Variants in LMLN observed in about 807,000 individuals in gnomAD.
The protein encoded by LMLN is leishmanolysin-like peptidase.
Under a neutral mutation model 92.3 loss-of-function variants are expected in LMLN, and 70 were observed. The observed-to-expected ratio is 0.76, with a 90% confidence interval of 0.63 to 0.92. LMLN has a LOEUF of 0.92. LMLN is among the 40% of genes least tolerant of loss of function. The probability of loss-of-function intolerance (pLI) is 0.00; values close to 1 mark genes in which losing one functional copy is unlikely to be tolerated. For missense variants in LMLN, 691 were observed against 814.6 expected (o/e 0.85, Z 1.85); for synonymous variants, 308 against 296.2 (o/e 1.04, Z -0.41).
intron 11 of LMLN, among the ~76,000 whole-genome samples, chr3:198,005,331 A>G (rs191798947): frequency 1.9e-3 from 285 of 152,114 alleles, no homozygotes; most frequent in Non-Finnish European, 3.3e-3. Context: ...ATACATGTAT[A>G]TATACAGTTG....
At chr3:198,010,109 A>G (rs1459927081) in intron 11 of LMLN, among the ~76,000 whole-genome samples, 1 of 151,974 alleles carries the variant, frequency 6.6e-6, no homozygotes, top group African/African-American at 2.4e-5. Flanking sequence ...GCTCCCTGCT[A>G]TATCTTTCCC....
intron 9 of LMLN, among the ~76,000 whole-genome samples, chr3:197,995,445 A>G (rs1392550955): frequency 1.3e-5 from 2 of 152,212 alleles, no homozygotes; most frequent in Non-Finnish European, 2.9e-5. Context: ...ATTTGTAAGA[A>G]CATGGGTGAA....
chr3:198,038,647 C>G, exon 16 of LMLN: 2 of 1,613,162 alleles, frequency 1.2e-6, no homozygotes, highest in Non-Finnish European at 1.7e-6. Context: ...GGCTGGATTT[C>G]TTCTGTGTAT....
chr3:197,999,029 G>A (rs1020909410), intron 10 of LMLN, among the ~76,000 whole-genome samples: 1 of 152,180 alleles, frequency 6.6e-6, no homozygotes, highest in Non-Finnish European at 1.5e-5. Flanking sequence ...CTAAATGCCA[G>A]CTGCCTGCCA....
Position 197,991,297 on chromosome 3 carries a change from G to A in LMLN, c.1047+621G>A, listed in dbSNP as rs115814217. 4.4e-3 allele frequency among the ~76,000 whole-genome samples: 676 copies of A among 151,940 alleles called. 2 individuals carry two copies. The highest frequency in any genetic ancestry group is 0.016 in the African/African-American group (654 of 41,438). ...TTTGTTTATTTTTTTGTAGTGATGA[G>A]GTCTCGCTATGTTGCCCAGGCTGGT... is the stretch of plus-strand genomic sequence containing the variant. On this transcript the variant is annotated intron_variant, in intron 9 of 15. Transcript: ENST00000330198.
chr3:197,982,223 CTTTTTT>C (rs1241377836), intron 6 of LMLN, among the ~76,000 whole-genome samples: 1 of 116,540 alleles, frequency 8.6e-6, no homozygotes, highest in Non-Finnish European at 1.7e-5. Flanking sequence ...CAGTTACCTT[CTTTTTT>C]TTTTTTTTTT....
intron 5 of LMLN, among the ~76,000 whole-genome samples, chr3:197,977,388 A>G (rs1721414951): frequency 1.3e-5 from 2 of 152,250 alleles, no homozygotes; most frequent in African/African-American, 2.4e-5. Flanking sequence ...ATCTGGGTAC[A>G]TATAAAATCA....
intron 8 of LMLN, among the ~76,000 whole-genome samples, chr3:197,989,154 G>A (rs575644011): frequency 6.6e-6 from 1 of 152,274 alleles, no homozygotes; most frequent in South Asian, 2.1e-4. Flanking sequence ...CATGATTGTG[G>A]GCTGTCGGTT....
intron 5 of LMLN, among the ~76,000 whole-genome samples, chr3:197,977,508 A>C (rs1182259781): frequency 2.6e-5 from 4 of 152,088 alleles, no homozygotes; most frequent in Admixed American, 2.6e-4. Context: ...ATGATCAAAC[A>C]ATCTGGAAGT....
chr3:198,021,054 A>G (rs1435430249), intron 12 of LMLN, among the ~76,000 whole-genome samples: 2 of 152,150 alleles, frequency 1.3e-5, no homozygotes, highest in Non-Finnish European at 2.9e-5. Flanking sequence ...TGTCAAAACA[A>G]CGTATAAACT....
At chr3:198,007,105 G>A (rs1722316016) in intron 11 of LMLN, among the ~76,000 whole-genome samples, 1 of 152,090 alleles carries the variant, frequency 6.6e-6, no homozygotes, top group South Asian at 2.1e-4. Context: ...CAGATATGTG[G>A]TTTGCAAATA....
In LMLN at chr3:197,976,524, G is replaced by C; in HGVS notation, c.432-74G>C. 5.4e-6 allele frequency: 4 copies of C among 736,396 alleles called. No homozygotes were observed. The South Asian group carries it at 8.1e-5, about 15-fold the overall frequency. The allele number at this position is 736,396 out of a possible 1,614,324, so 45.6% of individuals were successfully genotyped here. A position where few individuals can be genotyped will look rare whatever the true frequency, so the allele number is the denominator to read the frequency against. ...TGAAGTAATATAGCAGCTACCAGTT[G>C]GTTTCCATGTTTTTAACTGCTATAA... On this transcript the variant is annotated intron_variant, in intron 4 of 15. Transcript: ENST00000330198.
intron 11 of LMLN, among the ~76,000 whole-genome samples, chr3:198,011,736 AC>A (rs1254307560): frequency 1.3e-5 from 2 of 151,878 alleles, no homozygotes; most frequent in Non-Finnish European, 2.9e-5. Context: ...TTACAGTCCC[AC>A]CAACAATGTA....
At chr3:197,971,675 C>T (rs1482544464) in intron 1 of LMLN, among the ~76,000 whole-genome samples, 1 of 152,154 alleles carries the variant, frequency 6.6e-6, no homozygotes, top group East Asian at 1.9e-4. Context: ...ACCTCCGCCT[C>T]CCGGGTTCAA....
At chr3:197,988,905 A>G (rs1241628089) in intron 8 of LMLN, among the ~76,000 whole-genome samples, 2 of 151,724 alleles carry the variant, frequency 1.3e-5, no homozygotes, top group Non-Finnish European at 2.9e-5. Flanking sequence ...TTGGTCTCAT[A>G]CTCCTGACCT....
intron 9 of LMLN, among the ~76,000 whole-genome samples, chr3:197,994,153 CTG>C (rs1348351459): frequency 6.6e-6 from 1 of 152,130 alleles, no homozygotes; most frequent in Non-Finnish European, 1.5e-5. Flanking sequence ...AGACCAGAAA[CTG>C]TAAAACTACT....
At chr3:198,024,995 A>G (rs1303088328) in intron 14 of LMLN, among the ~76,000 whole-genome samples, 1 of 152,328 alleles carries the variant, frequency 6.6e-6, no homozygotes, top group East Asian at 1.9e-4. Flanking sequence ...AAAAATATAT[A>G]TGTAATTACT....
intron 11 of LMLN, among the ~76,000 whole-genome samples, chr3:198,001,585 G>A (rs915818809): frequency 6.6e-6 from 1 of 152,160 alleles, no homozygotes; most frequent in African/African-American, 2.4e-5. Flanking sequence ...ACCTTGCTGC[G>A]ATACCAAGTT....
At chr3:197,985,702 C>G in intron 7 of LMLN, 94 bp from the exon 8 acceptor site, 1 of 736,738 alleles carries the variant, frequency 1.4e-6, no homozygotes, top group Non-Finnish European at 2.3e-6. Context: ...GGTGCTTCTA[C>G]GTTCCCGTTA....
Sources: gnomAD v4.1 joint callset for allele counts (sites outside exome capture counted in the v4.1 genomes callset) on GRCh38, gnomAD v4.1.1 for gene constraint, MANE v1.5 for transcripts, NCBI Gene and HGNC (gene_info 2026-07-23, HGNC 2026-07-21) for gene names.